Variants in LGR4 observed in about 807,000 individuals in gnomAD.
LGR4 encodes leucine rich repeat containing G protein-coupled receptor 4.
A neutral mutation model predicts 84.8 loss-of-function variants in LGR4; 44 were observed. The observed-to-expected ratio is 0.52, with a 90% confidence interval of 0.41 to 0.67. The LOEUF is 0.67. LGR4 is among the 30% of genes least tolerant of loss of function. The pLI is 0.00. For synonymous variants in LGR4, 429 were observed against 434.3 expected (o/e 0.99, Z 0.15); for missense variants, 1,032 against 1,131.4 (o/e 0.91, Z 1.26).
In LGR4 at chr11:27,384,381, C is replaced by A; in HGVS notation, c.644G>T (p.Ser215Ile). The change falls in exon 6 of 18, where the codon AGC becomes ATC. Residue 215 changes from serine (S) to isoleucine (I), a missense_variant. Ser to Ile is a moderately radical substitution (Grantham distance 142). Coordinates refer to ENST00000379214, the MANE Select transcript of LGR4 (RefSeq NM_018490.5). ...VLHLHNNKIR[S>I]LSQHCFDGLD... ...TCCATCAAAACAGTGTTGACTCAGG[C>A]TTCTAATTTTATTGTTATGAAGATG... 1 of 1,610,822 alleles carries A rather than the reference C, an allele frequency of 6.2e-7. No homozygotes were observed. Among genetic ancestry groups the A allele is most frequent in the South Asian group, 1.1e-5 (1 of 90,938 alleles).
chr11:27,429,743 A>G (rs1864084598), intron 1 of LGR4, among the ~76,000 whole-genome samples: 1 of 152,234 alleles, frequency 6.6e-6, no homozygotes, highest in Non-Finnish European at 1.5e-5. Context: ...TAGAACAAAG[A>G]AAAGGAGAGA....
chr11:27,397,268 T>G (rs1565078571), intron 2 of LGR4, among the ~76,000 whole-genome samples: 2 of 152,172 alleles, frequency 1.3e-5, no homozygotes, highest in Non-Finnish European at 2.9e-5. Flanking sequence ...ACCACCGGTA[T>G]GAACTCATGA....
At chr11:27,433,937 G>A (rs886339914) in intron 1 of LGR4, among the ~76,000 whole-genome samples, 7 of 152,204 alleles carry the variant, frequency 4.6e-5, no homozygotes, top group African/African-American at 1.4e-4. Context: ...GGCATGCAAA[G>A]CCTTCCCAAC....
intron 1 of LGR4, among the ~76,000 whole-genome samples, chr11:27,460,640 C>A (rs569848482): frequency 6.6e-6 from 1 of 152,318 alleles, no homozygotes; most frequent in East Asian, 1.9e-4. Context: ...AGTTTGATTA[C>A]TAACAGCAGA....
intron 2 of LGR4, among the ~76,000 whole-genome samples, chr11:27,399,771 G>A (rs1394116910): frequency 1.3e-5 from 2 of 151,990 alleles, no homozygotes; most frequent in East Asian, 1.9e-4. Flanking sequence ...CACCTGCCTC[G>A]GCCTCCCAAA....
chr11:27,386,687 C>T (rs1181898310), intron 4 of LGR4, among the ~76,000 whole-genome samples: 4 of 152,164 alleles, frequency 2.6e-5, no homozygotes, highest in Non-Finnish European at 5.9e-5. Context: ...CTCCCAGCCC[C>T]AGATGCATTT....
chr11:27,388,030 T>G (rs1213222106), intron 4 of LGR4, among the ~76,000 whole-genome samples: 1 of 152,196 alleles, frequency 6.6e-6, no homozygotes, highest in African/African-American at 2.4e-5. Context: ...AGCTATCTTC[T>G]ATACAAAATA....
chr11:27,394,365 G>C (rs1863345939), intron 2 of LGR4, among the ~76,000 whole-genome samples: 1 of 152,034 alleles, frequency 6.6e-6, no homozygotes. Flanking sequence ...TTCTAGACTA[G>C]CCAGCTTTAT....
intron 1 of LGR4, among the ~76,000 whole-genome samples, chr11:27,432,779 C>A (rs747510490): frequency 2.6e-5 from 4 of 152,164 alleles, no homozygotes; most frequent in Non-Finnish European, 5.9e-5. Flanking sequence ...TAATCTTTTT[C>A]TTTGCATGCT....
chr11:27,454,117 A>G lies in LGR4; in HGVS notation c.185+18001T>C, dbSNP rs565737505. ...TCGGACATTCCTTTCTATTTATTCC[A>G]GGCTTTTAGATAAAAACTAAACTCT... On this transcript the variant is annotated intron_variant, in intron 1 of 17. Coordinates refer to ENST00000379214, the MANE Select transcript of LGR4 (RefSeq NM_018490.5). 1.2e-3 allele frequency among the ~76,000 whole-genome samples: 183 copies of G among 152,314 alleles called. 3 individuals carry two copies. Among genetic ancestry groups the G allele is most frequent in the African/African-American group, 4.0e-3 (168 of 41,574 alleles).
chr11:27,400,507 CTT>C (rs910624511), intron 2 of LGR4, among the ~76,000 whole-genome samples: 8 of 143,854 alleles, frequency 5.6e-5, no homozygotes, highest in Admixed American at 7.0e-5. Context: ...TTTTCTTTTC[CTT>C]TTTTTTTTTT....
At chr11:27,385,575 A>T in intron 4 of LGR4, 107 bp from the exon 5 acceptor site, 2 of 662,778 alleles carry the variant, frequency 3.0e-6, no homozygotes, top group Non-Finnish European at 5.0e-6. Flanking sequence ...TATAAAAATT[A>T]TCATCTTTAA....
intron 1 of LGR4, among the ~76,000 whole-genome samples, chr11:27,448,017 C>A (rs1230661959): frequency 6.6e-6 from 1 of 152,152 alleles, no homozygotes; most frequent in Non-Finnish European, 1.5e-5. Context: ...AGGTCTATAT[C>A]CTGTGGTTCT....
intron 4 of LGR4, among the ~76,000 whole-genome samples, chr11:27,387,661 A>C (rs1863211989): frequency 1.3e-5 from 2 of 152,144 alleles, no homozygotes; most frequent in South Asian, 4.2e-4. Context: ...GGGGATGCAA[A>C]CAGGGTCCAC....
Position 27,367,522 on chromosome 11 carries a change from G to A in LGR4, c.*345C>T, listed in dbSNP as rs958067398. Reference sequence around the variant, plus strand: ...AGATTTTTAAAAAATATTAACAGCTGTTCTTTATCTTGTGCTTAATACACA... The same window carrying A: ...AGATTTTTAAAAAATATTAACAGCTATTCTTTATCTTGTGCTTAATACACA... On this transcript the variant is annotated 3_prime_UTR_variant, in exon 18 of 18. Coordinates refer to ENST00000379214, the MANE Select transcript of LGR4 (RefSeq NM_018490.5). 2.4e-5 allele frequency: 4 copies of A among 167,918 alleles called. No homozygotes were observed. The highest frequency in any genetic ancestry group is 9.5e-5 in the African/African-American group (4 of 42,024). The allele number at this position is 167,918 out of a possible 1,614,324, so 10.4% of individuals were successfully genotyped here.
chr11:27,461,836 ATTTTTTTTTTTTT>A (rs35205372), intron 1 of LGR4, among the ~76,000 whole-genome samples: 6 of 76,558 alleles, frequency 7.8e-5, no homozygotes, highest in African/African-American at 1.0e-4. Context: ...TTGAGTTAGG[ATTTTTTTTTTTTT>A]TTTTTTTTTT....
chr11:27,396,913 G>A (rs1419338516), intron 2 of LGR4, among the ~76,000 whole-genome samples: 2 of 151,982 alleles, frequency 1.3e-5, no homozygotes, highest in Non-Finnish European at 2.9e-5. Context: ...TTTCCCCTCC[G>A]TGTTCTGTTT....
chr11:27,375,627 T>C (rs986395716), intron 13 of LGR4, among the ~76,000 whole-genome samples: 2 of 152,182 alleles, frequency 1.3e-5, no homozygotes, highest in African/African-American at 4.8e-5. Flanking sequence ...AATTCTGCTA[T>C]AGTGGGGTGA....
chr11:27,388,340 T>C (rs1372535696), intron 4 of LGR4, among the ~76,000 whole-genome samples: 1 of 152,116 alleles, frequency 6.6e-6, no homozygotes, highest in Non-Finnish European at 1.5e-5. Flanking sequence ...CTATTAGTAT[T>C]CACCCCAAAT....
Sources: gnomAD v4.1 joint callset for allele counts (sites outside exome capture counted in the v4.1 genomes callset) on GRCh38, gnomAD v4.1.1 for gene constraint, MANE v1.5 for transcripts, NCBI Gene and HGNC (gene_info 2026-07-23, HGNC 2026-07-21) for gene names.